The following LUZP2 variants were observed in gnomAD, a reference collection of about 807,000 sequenced individuals.
LUZP2 encodes leucine zipper protein 2.
Under a neutral mutation model 51.6 loss-of-function variants are expected in LUZP2, and 52 were observed. The observed-to-expected ratio is 1.01, with a 90% confidence interval of 0.81 to 1.27. The LOEUF is 1.27. Ranked by LOEUF, LUZP2 falls within the 50% of genes most tolerant of loss-of-function variation. The probability of loss-of-function intolerance (pLI) is 0.00; values close to 1 mark genes in which losing one functional copy is unlikely to be tolerated. For missense variants in LUZP2, 436 were observed against 395.4 expected, an observed-to-expected ratio of 1.10 and a Z score of -0.87; for synonymous variants, 154 against 137.3, an observed-to-expected ratio of 1.12 and a Z score of -0.85.
intron 5 of LUZP2, among the ~76,000 whole-genome samples, chr11:24,883,767 C>T (rs755109922): frequency 1.6e-4 from 25 of 151,964 alleles, no homozygotes; most frequent in Admixed American, 3.9e-4. Flanking sequence ...TTGTCTTAAA[C>T]GACAGTTTGC....
intron 5 of LUZP2, among the ~76,000 whole-genome samples, chr11:24,772,001 GA>G (rs1380804287): frequency 6.6e-6 from 1 of 152,092 alleles, no homozygotes; most frequent in African/African-American, 2.4e-5. Context: ...AGCAGCATGA[GA>G]AGAGGACAAT....
At chr11:24,581,301 T>C (rs1212459279) in intron 1 of LUZP2, among the ~76,000 whole-genome samples, 4 of 152,148 alleles carry the variant, frequency 2.6e-5, no homozygotes, top group Non-Finnish European at 5.9e-5. Context: ...TGATCCTAGT[T>C]TGTGCATCTC....
intron 1 of LUZP2, among the ~76,000 whole-genome samples, chr11:24,634,767 G>A (rs1855020464): frequency 6.6e-6 from 1 of 152,112 alleles, no homozygotes; most frequent in South Asian, 2.1e-4. Context: ...AAGGGCTTGA[G>A]TTCACAAAAT....
At chr11:24,524,955 A>G (rs1850752624) in intron 1 of LUZP2, among the ~76,000 whole-genome samples, 1 of 151,788 alleles carries the variant, frequency 6.6e-6, no homozygotes, top group Non-Finnish European at 1.5e-5. Context: ...GCTAGGAGTA[A>G]GAAATGCAGG....
intron 9 of LUZP2, among the ~76,000 whole-genome samples, chr11:24,989,397 T>C (rs1856272058): frequency 6.6e-6 from 1 of 152,094 alleles, no homozygotes; most frequent in South Asian, 2.1e-4. Flanking sequence ...CTATGGCTTC[T>C]ACATCTCAGG....
chr11:24,788,825 G>A lies in LUZP2; in HGVS notation c.396+25517G>A, dbSNP rs562753481. On this transcript the variant is annotated intron_variant, in intron 5 of 11. Transcript: ENST00000336930. ...CCCTCTTGCTCTTGCTCTTGCTCCA[G>A]GAAAGTCTGTCTTTTGTTCTATTCA... Among the ~76,000 whole-genome samples, 12 of 152,170 alleles carry A rather than the reference G, an allele frequency of 7.9e-5. No homozygotes were observed. The South Asian group carries it at 2.5e-3, about 32-fold the overall frequency.
chr11:24,791,118 G>A (rs904851379), intron 5 of LUZP2, among the ~76,000 whole-genome samples: 4 of 152,134 alleles, frequency 2.6e-5, no homozygotes, highest in African/African-American at 9.7e-5. Flanking sequence ...AAGTTATTGA[G>A]ACAAAACACT....
intron 5 of LUZP2, among the ~76,000 whole-genome samples, chr11:24,826,435 G>C (rs1850544540): frequency 6.6e-6 from 1 of 151,332 alleles, no homozygotes; most frequent in Non-Finnish European, 1.5e-5. Flanking sequence ...TCATACAGAA[G>C]ACACACACTA....
At chr11:24,728,669 C>T (rs1238349891) in intron 1 of LUZP2, among the ~76,000 whole-genome samples, 2 of 151,984 alleles carry the variant, frequency 1.3e-5, no homozygotes, top group Non-Finnish European at 2.9e-5. Flanking sequence ...GTAGTCATTT[C>T]ACATTTCAGC....
At chr11:24,938,304 A>AT (rs902462945) in intron 7 of LUZP2, among the ~76,000 whole-genome samples, 22 of 152,136 alleles carry the variant, frequency 1.4e-4, no homozygotes, top group Admixed American at 6.5e-5. Flanking sequence ...GCTAAATATG[A>AT]TTTTTTTAGC....
intron 5 of LUZP2, among the ~76,000 whole-genome samples, chr11:24,881,824 T>C (rs1002393869): frequency 6.6e-6 from 1 of 151,976 alleles, no homozygotes; most frequent in African/African-American, 2.4e-5. Flanking sequence ...AAAAGAAAAA[T>C]ACAATTGTAT....
chr11:24,658,980 A>C (rs574046833), intron 1 of LUZP2, among the ~76,000 whole-genome samples: 18 of 152,282 alleles, frequency 1.2e-4, no homozygotes, highest in Admixed American at 9.1e-4. Context: ...GTGGGACTGT[A>C]AACTAGTTCA....
At chr11:24,523,492 T>G (rs546271005) in intron 1 of LUZP2, among the ~76,000 whole-genome samples, 1 of 139,762 alleles carries the variant, frequency 7.2e-6, no homozygotes. Context: ...AAGCTTCTTT[T>G]TTTTACAAAA....
At chr11:25,026,382 C>G (rs1403064599) in intron 9 of LUZP2, among the ~76,000 whole-genome samples, 1 of 151,988 alleles carries the variant, frequency 6.6e-6, no homozygotes, top group Non-Finnish European at 1.5e-5. Flanking sequence ...AAATTGAATG[C>G]TTAACATTTG....
intron 1 of LUZP2, among the ~76,000 whole-genome samples, chr11:24,640,120 T>C (rs1855230458): frequency 6.6e-6 from 1 of 151,896 alleles, no homozygotes; most frequent in Non-Finnish European, 1.5e-5. Context: ...AAAGAGATGA[T>C]TCCCAAGTCC....
intron 5 of LUZP2, among the ~76,000 whole-genome samples, chr11:24,878,122 A>C (rs1183201691): frequency 1.7e-5 from 2 of 117,034 alleles, no homozygotes; most frequent in Non-Finnish European, 3.5e-5. Context: ...TTTTTTGGTG[A>C]ACTTACAATT....
intron 6 of LUZP2, among the ~76,000 whole-genome samples, chr11:24,906,420 A>G (rs571872085): frequency 2.6e-5 from 4 of 151,592 alleles, no homozygotes; most frequent in Non-Finnish European, 5.9e-5. Flanking sequence ...AAAGTTTTGC[A>G]GTGGCAAGTG....
Position 24,959,231 on chromosome 11 carries a change from G to C in LUZP2, c.523-17360G>C, listed in dbSNP as rs984164235. Among the ~76,000 whole-genome samples, 3 of 151,956 alleles carry C rather than the reference G, an allele frequency of 2.0e-5. No homozygotes were observed. The East Asian group carries it at 5.8e-4, about 29-fold the overall frequency. On this transcript the variant is annotated intron_variant, in intron 7 of 11. Transcript: ENST00000336930. ...TCTTTTGGCTTAGGATTGACTTGGC[G>C]ATGCGGGCTCTTTTTTAGTTCCATA... is the stretch of plus-strand genomic sequence containing the variant.
At chr11:24,569,750 A>G (rs1194533541) in intron 1 of LUZP2, among the ~76,000 whole-genome samples, 1 of 152,050 alleles carries the variant, frequency 6.6e-6, no homozygotes, top group African/African-American at 2.4e-5. Context: ...TTATAAACAA[A>G]CAATAGATGC....
Sources: allele counts gnomAD v4.1 joint callset (sites outside exome capture counted in the v4.1 genomes callset), GRCh38; gene constraint gnomAD v4.1.1; transcripts MANE v1.5; gene names NCBI Gene and HGNC (gene_info 2026-07-23, HGNC 2026-07-21).